The following NCAPG2 variants were observed in gnomAD, a reference collection of about 807,000 sequenced individuals.
NCAPG2 encodes the protein non-SMC condensin II complex subunit G2.
NCAPG2 carries 53 observed loss-of-function variants against 141.1 expected under a neutral mutation model. The ratio of observed to expected loss-of-function variants is 0.38; its 90% confidence interval spans 0.30 to 0.47. NCAPG2 has a LOEUF of 0.47. NCAPG2 is among the 20% of genes least tolerant of loss of function. NCAPG2 has a pLI of 0.99. For missense variants in NCAPG2, 1,087 were observed against 1,389.0 expected (o/e 0.78, Z 3.46); for synonymous variants, 499 against 490.7 (o/e 1.02, Z -0.22).
intron 15 of NCAPG2, among the ~76,000 whole-genome samples, chr7:158,663,338 G>A (rs1408490956): frequency 2.6e-5 from 4 of 152,230 alleles, no homozygotes; most frequent in Non-Finnish European, 5.9e-5. Context: ...GACGGAAGTG[G>A]CTCTCACTCT....
At chr7:158,638,059 A>C (rs1379674895) in intron 27 of NCAPG2, among the ~76,000 whole-genome samples, 2 of 152,072 alleles carry the variant, frequency 1.3e-5, no homozygotes, top group Non-Finnish European at 2.9e-5. Flanking sequence ...CACAAGAATT[A>C]CTTGAACCTG....
intron 12 of NCAPG2, among the ~76,000 whole-genome samples, chr7:158,674,248 T>G (rs1286381125): frequency 2.0e-5 from 3 of 151,554 alleles, no homozygotes; most frequent in Non-Finnish European, 2.9e-5. Context: ...GGAAGGACAC[T>G]GCTGAGAGGG....
chr7:158,693,531 T>A, intron 2 of NCAPG2, 34 bp from the exon 3 acceptor site: 1 of 1,541,496 alleles, frequency 6.5e-7, no homozygotes, highest in Admixed American at 1.9e-5. Flanking sequence ...ACATTTCAAA[T>A]ACAAAAAATT....
At chr7:158,645,954 T>C (rs1830983982) in intron 25 of NCAPG2, among the ~76,000 whole-genome samples, 1 of 152,244 alleles carries the variant, frequency 6.6e-6, no homozygotes, top group Admixed American at 6.5e-5. Flanking sequence ...TCATTGAATG[T>C]ATCTGCTATT....
Position 158,664,521 on chromosome 7 carries a change from T to G in NCAPG2, c.1702+7A>C. On this transcript the variant is annotated splice_region_variant and intron_variant, in intron 14 of 27. Coordinates refer to ENST00000356309, the MANE Select transcript of NCAPG2 (RefSeq NM_017760.7). ...AACAAGAACTGAGAAATAACAGCAC[T>G]CCCTACCTATGTTGGTGCAGGCGGT... The G allele has an allele frequency of 6.2e-7, 1 of 1,612,904 alleles. No individual in the cohort carries two copies. The highest frequency in any genetic ancestry group is 1.7e-5 in the Admixed American group (1 of 59,948).
intron 10 of NCAPG2, 151 bp downstream of exon 10, chr7:158,680,570 A>C: frequency 2.1e-6 from 1 of 477,274 alleles, no homozygotes; most frequent in Non-Finnish European, 3.5e-6. Context: ...GCTTTTAATA[A>C]AAGAAAAAAA....
rs146270588 is a variant in NCAPG2 at position 158,660,051 on chromosome 7, G to A, written c.1990-1643C>T. Among the ~76,000 whole-genome samples, 34 of 151,594 alleles carry A rather than the reference G, an allele frequency of 2.2e-4. No individual in the cohort carries two copies. The East Asian group carries it at 5.8e-3, about 26-fold the overall frequency. ...GGCGTGAACCCGGGAGGCGAGGCTT[G>A]CAGCCAAGATCACTCCACTGCACTC... On this transcript the variant is annotated intron_variant, in intron 16 of 27. Coordinates refer to ENST00000356309, the MANE Select transcript of NCAPG2 (RefSeq NM_017760.7).
rs764960182 is a variant in NCAPG2, at chr7:158,701,785, G to A, written c.78+37C>T. 1.9e-5 allele frequency: 30 copies of A among 1,552,848 alleles called. No individual in the cohort carries two copies. The South Asian group carries it at 3.1e-4, about 16-fold the overall frequency. On this transcript the variant is annotated intron_variant, in intron 2 of 27. Coordinates refer to ENST00000356309, the MANE Select transcript of NCAPG2 (RefSeq NM_017760.7). ...CTTTAGAACATATTTCATATTCACA[G>A]TCAAAAATCACAACAAAACTAAAAC...
Position 158,679,962 on chromosome 7 carries a change from A to C in NCAPG2, c.1144T>G (p.Tyr382Asp). 7 of 1,614,062 alleles carry C rather than the reference A, an allele frequency of 4.3e-6. No individual in the cohort carries two copies. The highest frequency in any genetic ancestry group is 5.9e-6 in the Non-Finnish European group (7 of 1,179,964). ...SEIQKQFEEL[Y>D]SLLEDPYPMV... ...GCTTGACCACCTGAAGTACGTACATAGAGCTCTTCAAACTGTTTCTGGATT... is the reference window on the plus strand; with the variant it reads ...GCTTGACCACCTGAAGTACGTACATCGAGCTCTTCAAACTGTTTCTGGATT... The change falls in exon 11 of 28, where the codon TAT (tyrosine) becomes GAT (aspartate). Residue 382 changes from tyrosine to aspartate, a missense_variant and splice_region_variant. Coordinates refer to ENST00000356309, the MANE Select transcript of NCAPG2 (RefSeq NM_017760.7).
chr7:158,655,276 G>T lies in NCAPG2; in HGVS notation c.2506-18C>A. On this transcript the variant is annotated intron_variant, in intron 20 of 27. Coordinates refer to ENST00000356309, the MANE Select transcript of NCAPG2 (RefSeq NM_017760.7). ...GAGCAGAACTGTCCAAAAACAAGAA[G>T]ATAAATCAGTAACAAAAAGAGCACT... 1.2e-6 allele frequency: 2 copies of T among 1,613,724 alleles called. No individual in the cohort carries two copies. Among genetic ancestry groups the T allele is most frequent in the South Asian group, 2.2e-5 (2 of 91,054 alleles).
intron 12 of NCAPG2, among the ~76,000 whole-genome samples, chr7:158,674,510 G>A (rs563421988): frequency 4.6e-5 from 7 of 152,186 alleles, no homozygotes; most frequent in East Asian, 3.9e-4. Context: ...GGCTGGTCTC[G>A]AGCTCGTGAA....
intron 27 of NCAPG2, among the ~76,000 whole-genome samples, chr7:158,637,176 T>C (rs531098377): frequency 9.8e-5 from 15 of 152,298 alleles, no homozygotes; most frequent in African/African-American, 3.4e-4. Context: ...CTCGATCTCC[T>C]GACCTCGTGA....
intron 11 of NCAPG2, among the ~76,000 whole-genome samples, chr7:158,677,867 G>C (rs1014321511): frequency 6.6e-6 from 1 of 152,102 alleles, no homozygotes; most frequent in African/African-American, 2.4e-5. Context: ...CTGGAGTATA[G>C]TGGCACAATG....
In NCAPG2 at chr7:158,651,602, T is replaced by C. The variant is rs1165327876; in HGVS notation, c.2935-630A>G. On this transcript the variant is annotated intron_variant, in intron 23 of 27. Coordinates refer to ENST00000356309, the MANE Select transcript of NCAPG2 (RefSeq NM_017760.7). ...TTAAGCTACTACCTAGAAAAAGTAA[T>C]GGCTCTCTCTGATAACAACATCACG... is the stretch of plus-strand genomic sequence containing the variant. Among the ~76,000 whole-genome samples the C allele has an allele frequency of 5.3e-5, 8 of 152,338 alleles. 1 individual carries two copies. The East Asian group carries it at 9.6e-4, about 18-fold the overall frequency.
intron 19 of NCAPG2, among the ~76,000 whole-genome samples, chr7:158,656,009 C>A (rs1398175309): frequency 1.3e-5 from 2 of 152,206 alleles, no homozygotes; most frequent in Non-Finnish European, 2.9e-5. Flanking sequence ...GGCCATCCTC[C>A]TGAGTCCTAG....
At chr7:158,672,324 ATATATTTTTTT>A (rs2129464952) in intron 12 of NCAPG2, among the ~76,000 whole-genome samples, 1 of 45,106 alleles carries the variant, frequency 2.2e-5, no homozygotes, top group African/African-American at 8.2e-5. Flanking sequence ...ATATATATAT[ATATATTTTTTT>A]TTTTTTTTTT....
intron 27 of NCAPG2, among the ~76,000 whole-genome samples, chr7:158,634,377 T>TA (rs1452540372): frequency 1.3e-5 from 2 of 152,200 alleles, no homozygotes; most frequent in Admixed American, 1.3e-4. Context: ...TAATAGTTGT[T>TA]ATACTATATA....
intron 19 of NCAPG2, 85 bp from the exon 20 acceptor site, chr7:158,655,540 G>A (rs1587125432): frequency 8.5e-7 from 1 of 1,177,338 alleles, no homozygotes; most frequent in East Asian, 2.3e-5. Flanking sequence ...GGAAGCACCT[G>A]ATCCTCAGGC....
At chr7:158,639,745 G>C in intron 27 of NCAPG2, 2 of 624,624 alleles carry the variant, frequency 3.2e-6, no homozygotes, top group Non-Finnish European at 4.0e-6. Context: ...CTAATGCTGA[G>C]AGCAAAACTG....
Sources: gnomAD v4.1 joint callset for allele counts (sites outside exome capture counted in the v4.1 genomes callset) on GRCh38, gnomAD v4.1.1 for gene constraint, MANE v1.5 for transcripts, NCBI Gene and HGNC (gene_info 2026-07-23, HGNC 2026-07-21) for gene names.